Variants in ADAMTS19 observed in about 807,000 individuals in gnomAD.
ADAMTS19 encodes the protein ADAM metallopeptidase with thrombospondin type 1 motif 19, also known as A disintegrin and metalloproteinase with thrombospondin motifs 19.
A neutral mutation model predicts 153.3 loss-of-function variants in ADAMTS19; 93 were observed. The ratio of observed to expected loss-of-function variants is 0.61; its 90% CI spans 0.51 to 0.72. The LOEUF (loss-of-function observed/expected upper bound fraction) is 0.72. Among genes scored for constraint, ADAMTS19 ranks in the 30% least tolerant of loss-of-function variants. ADAMTS19 has a pLI of 0.00. For synonymous variants in ADAMTS19, 600 were observed against 556.6 expected (o/e 1.08, Z -1.10); for missense variants, 1,482 against 1,552.1 (o/e 0.95, Z 0.76).
chr5:129,713,867 C>T (rs538386548), intron 21 of ADAMTS19, among the ~76,000 whole-genome samples: 1 of 152,102 alleles, frequency 6.6e-6, no homozygotes, highest in East Asian at 1.9e-4. Flanking sequence ...GGATGGCACT[C>T]CAGCATCTAC....
At chr5:129,477,694 C>T (rs1027845087) in intron 2 of ADAMTS19, among the ~76,000 whole-genome samples, 1 of 152,216 alleles carries the variant, frequency 6.6e-6, no homozygotes, top group African/African-American at 2.4e-5. Context: ...AACTTGGCTG[C>T]TCTTGCCTTT....
In ADAMTS19 at chr5:129,643,334, C is replaced by T. The variant is rs180734448; in HGVS notation, c.1872+1374C>T. Among the ~76,000 whole-genome samples the T allele has an allele frequency of 1.2e-3, 171 of 142,002 alleles. 1 individual carries two copies. Among genetic ancestry groups the T allele is most frequent in the Middle Eastern group, 7.6e-3 (2 of 264 alleles). The allele number at this position is 142,002 out of a possible 152,430, so 93.2% of individuals were successfully genotyped here. ...CCGAGACTGCACCACTGCACTCCAG[C>T]CTGGGCGACAGAGCCAGACCTTGTT... On this transcript the variant is annotated intron_variant, in intron 11 of 22. Transcript: ENST00000274487.
chr5:129,493,118 G>A (rs577540600), intron 2 of ADAMTS19, among the ~76,000 whole-genome samples: 10 of 152,236 alleles, frequency 6.6e-5, no homozygotes, highest in East Asian at 3.9e-4. Flanking sequence ...TGAACCCAGA[G>A]TGGTAAGTAA....
At chr5:129,628,473 T>G (rs1332544959) in intron 10 of ADAMTS19, among the ~76,000 whole-genome samples, 3 of 151,880 alleles carry the variant, frequency 2.0e-5, no homozygotes, top group African/African-American at 7.3e-5. Flanking sequence ...AAAAAAAAAT[T>G]TTTAAAGCTG....
intron 21 of ADAMTS19, among the ~76,000 whole-genome samples, chr5:129,734,026 T>A (rs1297643357): frequency 1.3e-5 from 2 of 151,708 alleles, no homozygotes; most frequent in Non-Finnish European, 2.9e-5. Flanking sequence ...AAATTATGTA[T>A]TTCACAGCAA....
At chr5:129,508,885 G>A (rs377423183) in intron 2 of ADAMTS19, among the ~76,000 whole-genome samples, 192 bp from the exon 3 acceptor site, 1 of 151,990 alleles carries the variant, frequency 6.6e-6, no homozygotes. Flanking sequence ...GTTTATGTTA[G>A]TGCAATAAAG....
intron 16 of ADAMTS19, among the ~76,000 whole-genome samples, chr5:129,666,932 A>T (rs1215642653): frequency 6.6e-6 from 1 of 152,180 alleles, no homozygotes; most frequent in Non-Finnish European, 1.5e-5. Context: ...CTAAATTATA[A>T]TATGGGTTTT....
At chr5:129,594,067 A>G (rs1247384938) in intron 7 of ADAMTS19, among the ~76,000 whole-genome samples, 1 of 152,176 alleles carries the variant, frequency 6.6e-6, no homozygotes, top group Non-Finnish European at 1.5e-5. Flanking sequence ...ATCATATGCA[A>G]CTGTGAAACT....
rs1032137014 is a variant in ADAMTS19 at position 129,547,136 on chromosome 5, T to C, written c.1329-4728T>C. ...TATTAAGGATCTTGAGGGGGCGAGA[T>C]TATCCTGGTGTGAGGAAAAGAGAGA... On this transcript the variant is annotated intron_variant, in intron 6 of 22. Coordinates refer to ENST00000274487, the MANE Select transcript of ADAMTS19 (RefSeq NM_133638.6). Among the ~76,000 whole-genome samples, 31 of 150,578 alleles carry C rather than the reference T, an allele frequency of 2.1e-4. 1 individual carries two copies. The highest frequency in any genetic ancestry group is 7.7e-4 in the African/African-American group (31 of 40,036).
At chr5:129,568,559 C>T (rs2126858544) in intron 7 of ADAMTS19, among the ~76,000 whole-genome samples, 2 of 152,198 alleles carry the variant, frequency 1.3e-5, no homozygotes, top group East Asian at 3.9e-4. Flanking sequence ...GTCACTCATG[C>T]CTGTAAGCCC....
intron 15 of ADAMTS19, 113 bp from the exon 16 acceptor site, chr5:129,665,386 C>A: frequency 2.5e-6 from 2 of 803,358 alleles, no homozygotes. Context: ...TACGTAAGTA[C>A]TGAAATATCA....
Position 129,608,431 on chromosome 5 carries a change from A to C in ADAMTS19, c.1478+11767A>C, listed in dbSNP as rs1264069828. Reference sequence around the variant, plus strand: ...TGGAGGCCTAATGTACAGCATGATGACTATAGTTAAAGAAGTTAGCATATG... The same window carrying C: ...TGGAGGCCTAATGTACAGCATGATGCCTATAGTTAAAGAAGTTAGCATATG... On this transcript the variant is annotated intron_variant, in intron 8 of 22. Transcript: ENST00000274487. Among the ~76,000 whole-genome samples the C allele has an allele frequency of 3.3e-5, 5 of 152,004 alleles. No homozygotes were observed. In the East Asian group the frequency reaches 7.8e-4, roughly 24 times the overall value.
At chr5:129,640,103 A>C (rs1752726938) in intron 10 of ADAMTS19, among the ~76,000 whole-genome samples, 1 of 152,150 alleles carries the variant, frequency 6.6e-6, no homozygotes, top group South Asian at 2.1e-4. Flanking sequence ...ATATAATAAG[A>C]TATATTTGTG....
chr5:129,722,339 C>G lies in ADAMTS19; in HGVS notation c.3313-12593C>G, dbSNP rs190065948. 3.5e-4 allele frequency among the ~76,000 whole-genome samples: 54 copies of G among 152,228 alleles called. No homozygotes were observed. The East Asian group carries it at 0.01, about 28-fold the overall frequency. On this transcript the variant is annotated intron_variant, in intron 21 of 22. Coordinates refer to ENST00000274487, the MANE Select transcript of ADAMTS19 (RefSeq NM_133638.6). ...CTCACTGTGGTTTTGATTTGCATTT[C>G]TCTAATGATCAGTGATGTTGAGCTT...
chr5:129,500,421 C>A (rs1219943642), intron 2 of ADAMTS19: 3 of 152,100 alleles, frequency 2.0e-5, no homozygotes, highest in African/African-American at 7.2e-5. Flanking sequence ...TCATGGGTCA[C>A]ATTTGTGGCT....
chr5:129,616,413 C>T (rs1336882614), intron 8 of ADAMTS19, among the ~76,000 whole-genome samples: 1 of 151,936 alleles, frequency 6.6e-6, no homozygotes, highest in Non-Finnish European at 1.5e-5. Context: ...AAAAAGCCTA[C>T]TCTTTTAAAA....
In ADAMTS19 at chr5:129,521,992, G is replaced by A. The variant is rs12659012; in HGVS notation, c.914-4292G>A. 4.9e-4 allele frequency among the ~76,000 whole-genome samples: 74 copies of A among 152,058 alleles called. 1 individual carries two copies. In the East Asian group the frequency reaches 0.013, roughly 28 times the overall value. On this transcript the variant is annotated intron_variant, in intron 3 of 22. Coordinates refer to ENST00000274487, the MANE Select transcript of ADAMTS19 (RefSeq NM_133638.6). ...ACTGGAAGAAAGTAAGGAAAATGTG[G>A]AAAAGTATCTAAGTAGAAGGAGGTG...
chr5:129,543,672 T>C (rs1447414729), intron 6 of ADAMTS19, among the ~76,000 whole-genome samples: 2 of 152,010 alleles, frequency 1.3e-5, no homozygotes, highest in Non-Finnish European at 2.9e-5. Context: ...AAGCCAAGTA[T>C]TTGAGGGTGG....
rs1244363829 is a variant in ADAMTS19, at chr5:129,648,977, C to A, written c.2176+7C>A. 1 of 1,579,198 alleles carries A rather than the reference C, an allele frequency of 6.3e-7. No homozygotes were observed. Among genetic ancestry groups the A allele is most frequent in the Admixed American group, 1.7e-5 (1 of 58,580 alleles). Reference sequence around the variant, plus strand: ...CAAGCTGTCCTGGATGAAGGTATGACCAACCAGATCACCACCATCTTTGTT... The same window carrying A: ...CAAGCTGTCCTGGATGAAGGTATGAACAACCAGATCACCACCATCTTTGTT... On this transcript the variant is annotated splice_region_variant and intron_variant, in intron 13 of 22. Coordinates refer to ENST00000274487, the MANE Select transcript of ADAMTS19 (RefSeq NM_133638.6).
Sources: gnomAD v4.1 joint callset for allele counts (sites outside exome capture counted in the v4.1 genomes callset) on GRCh38, gnomAD v4.1.1 for gene constraint, MANE v1.5 for transcripts, NCBI Gene and HGNC (gene_info 2026-07-23, HGNC 2026-07-21) for gene names.